CACNA2D1: variants seen among roughly 807,000 people sequenced by gnomAD.
The protein encoded by CACNA2D1 is calcium voltage-gated channel auxiliary subunit alpha2delta 1.
CACNA2D1 carries 53 observed loss-of-function variants against 171.5 expected under a neutral mutation model. That is an observed-to-expected ratio of 0.31 (90% CI 0.25 to 0.39). The LOEUF is 0.39. Ranked by LOEUF, CACNA2D1 falls within the 10% of genes least tolerant of loss-of-function variation. The probability of loss-of-function intolerance (pLI) is 1.00; values close to 1 mark genes in which losing one functional copy is unlikely to be tolerated. For synonymous variants in CACNA2D1, 442 were observed against 443.1 expected (o/e 1.00, Z 0.03); for missense variants, 903 against 1,299.8 (o/e 0.69, Z 4.69).
intron 1 of CACNA2D1, among the ~76,000 whole-genome samples, chr7:82,418,133 C>A (rs1172436187): frequency 6.6e-6 from 1 of 152,302 alleles, no homozygotes; most frequent in East Asian, 1.9e-4. Flanking sequence ...CAAACACATC[C>A]TTCTTCACAT....
Position 81,961,033 on chromosome 7 carries a change from A to G in CACNA2D1, c.2966+861T>C, listed in dbSNP as rs1046214785. Among the ~76,000 whole-genome samples, 3 of 151,838 alleles carry G rather than the reference A, an allele frequency of 2.0e-5. No individual in the cohort carries two copies. In the Admixed American group the frequency reaches 2.0e-4, roughly 10 times the overall value. On this transcript the variant is annotated intron_variant, in intron 36 of 38. Transcript: ENST00000356860. ...ATAGGTTGCTTAGCCCCTCTTGCAA[A>G]ATTTTTTTTTTTAACTATTCTGGCA...
At chr7:82,393,093 G>A (rs1377759973) in intron 1 of CACNA2D1, among the ~76,000 whole-genome samples, 4 of 138,730 alleles carry the variant, frequency 2.9e-5, no homozygotes, top group African/African-American at 6.0e-5. Context: ...AAGGCAGGCA[G>A]GCAGGCAGGC....
intron 15 of CACNA2D1, among the ~76,000 whole-genome samples, chr7:82,011,453 G>A (rs1481399462): frequency 6.6e-6 from 1 of 152,040 alleles, no homozygotes; most frequent in Non-Finnish European, 1.5e-5. Context: ...TGAACTGTGA[G>A]GGGCAAAAAG....
chr7:82,163,093 C>T (rs562764825), intron 4 of CACNA2D1, among the ~76,000 whole-genome samples: 1 of 151,930 alleles, frequency 6.6e-6, no homozygotes, highest in African/African-American at 2.4e-5. Context: ...ATTCTTCATA[C>T]AAAAATTATC....
intron 24 of CACNA2D1, among the ~76,000 whole-genome samples, chr7:81,978,728 TTAAAG>T (rs537834661): frequency 7.1e-4 from 103 of 144,954 alleles, no homozygotes; most frequent in African/African-American, 1.9e-3. Flanking sequence ...ATCCCAGAAG[TTAAAG>T]TAAATTTTTT....
intron 7 of CACNA2D1, among the ~76,000 whole-genome samples, chr7:82,071,807 G>C (rs1022887266): frequency 6.6e-6 from 1 of 152,112 alleles, no homozygotes; most frequent in Non-Finnish European, 1.5e-5. Flanking sequence ...TCAAATTCTA[G>C]TAGATAGGAT....
At chr7:82,152,799 CTCTT>C (rs1216200948) in intron 4 of CACNA2D1, among the ~76,000 whole-genome samples, 1 of 151,828 alleles carries the variant, frequency 6.6e-6, no homozygotes, top group Non-Finnish European at 1.5e-5. Flanking sequence ...ACTGGAGTAA[CTCTT>C]TAGTTAAATG....
chr7:82,020,747 T>C (rs1801089693), intron 12 of CACNA2D1: 1 of 152,160 alleles, frequency 6.6e-6, no homozygotes, highest in African/African-American at 2.4e-5. Context: ...ATTTTCTAAA[T>C]GCCATTATGT....
intron 3 of CACNA2D1, among the ~76,000 whole-genome samples, chr7:82,202,786 C>A (rs1436767039): frequency 6.6e-6 from 1 of 151,848 alleles, no homozygotes. Flanking sequence ...ACAGAGGAGG[C>A]TGTTGGCAGA....
At chr7:81,963,739 TTAGTG>T in intron 34 of CACNA2D1, among the ~76,000 whole-genome samples, 1 of 151,986 alleles carries the variant, frequency 6.6e-6, no homozygotes, top group Admixed American at 6.6e-5. Context: ...CTAAAAGAAA[TTAGTG>T]TAATGTTTTT....
At chr7:82,091,596 T>A (rs1292423398) in intron 6 of CACNA2D1, among the ~76,000 whole-genome samples, 2 of 152,184 alleles carry the variant, frequency 1.3e-5, no homozygotes, top group Non-Finnish European at 2.9e-5. Flanking sequence ...GACACTAGTA[T>A]CTAATATCAT....
intron 3 of CACNA2D1, among the ~76,000 whole-genome samples, chr7:82,193,077 G>A (rs1798500787): frequency 6.6e-6 from 1 of 151,886 alleles, no homozygotes; most frequent in Admixed American, 6.6e-5. Flanking sequence ...GGTAAGTGAT[G>A]TGCTGTTCTC....
intron 1 of CACNA2D1, among the ~76,000 whole-genome samples, chr7:82,379,911 A>G (rs1823499304): frequency 6.6e-6 from 1 of 151,974 alleles, no homozygotes; most frequent in African/African-American, 2.4e-5. Context: ...TTTTTACACT[A>G]TTTTCCATTA....
chr7:82,263,468 G>A (rs555286569), intron 3 of CACNA2D1, among the ~76,000 whole-genome samples: 1 of 152,210 alleles, frequency 6.6e-6, no homozygotes, highest in African/African-American at 2.4e-5. Context: ...TCTTGTTGTA[G>A]AAGTGTGGGC....
intron 3 of CACNA2D1, among the ~76,000 whole-genome samples, chr7:82,249,748 T>G (rs1805400955): frequency 6.7e-6 from 1 of 149,686 alleles, no homozygotes; most frequent in African/African-American, 2.6e-5. Flanking sequence ...TTGTGCTGAT[T>G]GGCTTAGACA....
At position 81,959,775 on chromosome 7, in the gene CACNA2D1, C is replaced by T. The variant is rs9886043; in HGVS notation, c.3021G>A (p.Glu1007=). The T allele has an allele frequency of 6.2e-7, 1 of 1,612,686 alleles. No homozygotes were observed. Among genetic ancestry groups the T allele is most frequent in the Non-Finnish European group, 8.5e-7 (1 of 1,179,160 alleles). ...TGTCACATGGACATGTCCCTTTGCT[C>T]TCAACCATTATGAATATTAAGTTGG... ...MNTNLIFIMV[E]SKGTCPCDTR... Residue 1007 remains glutamate (E), a synonymous_variant, in exon 37 of 39, where the codon GAG becomes GAA. Coordinates refer to ENST00000356860, the MANE Select transcript of CACNA2D1 (RefSeq NM_000722.4).
intron 5 of CACNA2D1, among the ~76,000 whole-genome samples, chr7:82,133,684 T>A (rs1316314280): frequency 6.6e-6 from 1 of 152,218 alleles, no homozygotes; most frequent in Non-Finnish European, 1.5e-5. Context: ...GAAGTGGAGT[T>A]AAATGAATTG....
At chr7:82,018,400 C>T (rs759349183) in intron 12 of CACNA2D1, among the ~76,000 whole-genome samples, 23 of 152,150 alleles carry the variant, frequency 1.5e-4, no homozygotes, top group Non-Finnish European at 2.4e-4. Context: ...AAGTTCATTA[C>T]AGTATGTGGT....
chr7:82,233,750 A>T (rs1184562507), intron 3 of CACNA2D1, among the ~76,000 whole-genome samples: 2 of 152,134 alleles, frequency 1.3e-5, no homozygotes, highest in East Asian at 3.9e-4. Context: ...CGCAGAGAGT[A>T]GTTATATTTG....
Sources: allele counts gnomAD v4.1 joint callset (sites outside exome capture counted in the v4.1 genomes callset), GRCh38; gene constraint gnomAD v4.1.1; transcripts MANE v1.5; gene names NCBI Gene and HGNC (gene_info 2026-07-23, HGNC 2026-07-21).